The following AFDN variants were observed in gnomAD, a reference collection of about 807,000 sequenced individuals.
AFDN encodes the protein afadin.
AFDN carries 68 observed loss-of-function variants against 216.6 expected under a neutral mutation model. That is an observed-to-expected ratio of 0.31 (90% CI 0.26 to 0.38). AFDN has a LOEUF of 0.38. AFDN is among the 10% of genes least tolerant of loss of function. AFDN has a pLI of 1.00. For synonymous variants in AFDN, 868 were observed against 853.7 expected (o/e 1.02, Z -0.29); for missense variants, 2,136 against 2,342.0 (o/e 0.91, Z 1.82).
chr6:167,958,928 A>G (rs772189141), intron 30 of AFDN, among the ~76,000 whole-genome samples: 1 of 152,268 alleles, frequency 6.6e-6, no homozygotes, highest in Non-Finnish European at 1.5e-5. Context: ...GGCCCTGCCC[A>G]GAATATCAGA....
intron 1 of AFDN, among the ~76,000 whole-genome samples, chr6:167,837,477 T>C (rs1449111543): frequency 6.6e-6 from 1 of 152,148 alleles, no homozygotes; most frequent in African/African-American, 2.4e-5. Flanking sequence ...ACATCTTTAG[T>C]ACTGAATCGT....
rs755965919 is a variant in AFDN, at chr6:167,872,327, A to T, written c.528A>T (p.Ala176=). ...KKEKKKREKE[A]LRQASDKDDR... ...AAAAAAAGAAGAGAGAAAAAGAGGC[A>T]TTGCGACAGGCATCTGATAAAGATG... The change falls in exon 4 of 34, where the codon GCA becomes GCT. Residue 176 remains alanine, a synonymous_variant. Transcript: ENST00000683244. 4 of 1,613,868 alleles carry T rather than the reference A, an allele frequency of 2.5e-6. No individual in the cohort carries two copies. In the African/African-American group the frequency reaches 5.3e-5, roughly 22 times the overall value.
intron 30 of AFDN, chr6:167,954,427 CT>C (rs759996822): frequency 0.017 from 18,180 of 1,095,004 alleles, 2 homozygotes; most frequent in South Asian, 0.037. Flanking sequence ...CTTCATCTTT[CT>C]TTTTTTTTTT....
At chr6:167,864,796 G>A (rs764558957) in intron 2 of AFDN, 50 bp downstream of exon 2, 37 of 1,562,194 alleles carry the variant, frequency 2.4e-5, no homozygotes, top group Non-Finnish European at 3.2e-5. Context: ...GACCTGTGAA[G>A]AGACAGCTTG....
chr6:167,969,447 A>G (rs1264020359), intron 33 of AFDN, among the ~76,000 whole-genome samples: 2 of 152,356 alleles, frequency 1.3e-5, no homozygotes, highest in South Asian at 4.1e-4. Context: ...TCTCAGGTAC[A>G]TGTAAGATGC....
intron 23 of AFDN, among the ~76,000 whole-genome samples, chr6:167,931,574 G>A (rs947866120): frequency 2.6e-5 from 4 of 152,020 alleles, no homozygotes; most frequent in African/African-American, 9.7e-5. Flanking sequence ...CAGTTCCCTG[G>A]CATACTGGAT....
At chr6:167,864,448 C>A (rs1783948113) in intron 1 of AFDN, 103 bp from the exon 2 acceptor site, 3 of 1,091,862 alleles carry the variant, frequency 2.7e-6, no homozygotes, top group East Asian at 4.7e-5. Flanking sequence ...TATGATGAAG[C>A]ATTTTTTAAA....
At chr6:167,881,287 G>A (rs1014760954) in intron 6 of AFDN, among the ~76,000 whole-genome samples, 7 of 152,308 alleles carry the variant, frequency 4.6e-5, no homozygotes, top group African/African-American at 1.7e-4. Context: ...AAAAACTAGT[G>A]ATTTGAAGCT....
At chr6:167,861,214 C>T (rs1200788726) in intron 1 of AFDN, among the ~76,000 whole-genome samples, 1 of 152,050 alleles carries the variant, frequency 6.6e-6, no homozygotes, top group Non-Finnish European at 1.5e-5. Context: ...ACATGATTGG[C>T]AAAATAATTG....
chr6:167,848,763 C>A (rs981617545), intron 1 of AFDN, among the ~76,000 whole-genome samples: 1 of 152,116 alleles, frequency 6.6e-6, no homozygotes, highest in Non-Finnish European at 1.5e-5. Flanking sequence ...CAATTTGTTA[C>A]CCTGATTTCC....
intron 23 of AFDN, 45 bp downstream of exon 23, chr6:167,925,136 G>A (rs1479834343): frequency 2.2e-6 from 3 of 1,374,006 alleles, no homozygotes; most frequent in Admixed American, 1.7e-5. Flanking sequence ...CAGTCTTTCG[G>A]CATTGAATCA....
intron 23 of AFDN, among the ~76,000 whole-genome samples, chr6:167,931,924 C>T (rs1254903920): frequency 2.6e-5 from 4 of 152,178 alleles, no homozygotes; most frequent in Admixed American, 6.5e-5. Context: ...CCTTGGAGCA[C>T]GGAGCCCATG....
chr6:167,872,161 T>G, intron 3 of AFDN, 53 bp from the exon 4 acceptor site: 1 of 1,545,828 alleles, frequency 6.5e-7, no homozygotes, highest in African/African-American at 1.4e-5. Flanking sequence ...CCGTAGGCAA[T>G]TTTATGTGAT....
intron 23 of AFDN, among the ~76,000 whole-genome samples, 183 bp from the exon 24 acceptor site, chr6:167,942,946 T>C (rs915565127): frequency 2.6e-5 from 4 of 152,234 alleles, no homozygotes; most frequent in African/African-American, 9.6e-5. Flanking sequence ...ACTCTCATCA[T>C]TAACTGATGC....
intron 1 of AFDN, among the ~76,000 whole-genome samples, chr6:167,832,658 G>T (rs1438982072): frequency 6.6e-6 from 1 of 152,180 alleles, no homozygotes; most frequent in Non-Finnish European, 1.5e-5. Context: ...AGGATAATTT[G>T]AAGTTTTATA....
At chr6:167,876,511 T>C (rs1785401668) in intron 5 of AFDN, among the ~76,000 whole-genome samples, 1 of 152,192 alleles carries the variant, frequency 6.6e-6, no homozygotes, top group South Asian at 2.1e-4. Context: ...ACAAGAGGAA[T>C]GCTAAGAAAT....
chr6:167,852,184 T>G (rs1438704393), intron 1 of AFDN, among the ~76,000 whole-genome samples: 1 of 152,214 alleles, frequency 6.6e-6, no homozygotes, highest in Admixed American at 6.5e-5. Context: ...TATCTGTTAT[T>G]CGGTCCATAC....
chr6:167,891,039 C>A lies in AFDN; in HGVS notation c.1177+10C>A, dbSNP rs756703961. 1 of 1,605,486 alleles carries A rather than the reference C, an allele frequency of 6.2e-7. No individual in the cohort carries two copies. Among genetic ancestry groups the A allele is most frequent in the South Asian group, 1.1e-5 (1 of 89,496 alleles). On this transcript the variant is annotated intron_variant, in intron 8 of 33. Coordinates refer to ENST00000683244, the MANE Select transcript of AFDN (RefSeq NM_001386888.1). ...GTAGAGTTAAGCCCAGGTGAGAAAA[C>A]TGGTCACACCAGCACACATTATTAA...
At chr6:167,840,985 G>A (rs1467803055) in intron 1 of AFDN, among the ~76,000 whole-genome samples, 1 of 152,234 alleles carries the variant, frequency 6.6e-6, no homozygotes, top group African/African-American at 2.4e-5. Context: ...CACGCTTGGA[G>A]GCGGGGCCTT....
Sources: gnomAD v4.1 joint callset for allele counts (sites outside exome capture counted in the v4.1 genomes callset) on GRCh38, gnomAD v4.1.1 for gene constraint, MANE v1.5 for transcripts, NCBI Gene and HGNC (gene_info 2026-07-23, HGNC 2026-07-21) for gene names.